The following DAB1 variants were observed in gnomAD, a reference collection of about 807,000 sequenced individuals.
DAB1 encodes DAB adaptor protein 1.
In DAB1, 15 loss-of-function variants were observed where a neutral mutation model predicts 64.6. The ratio of observed to expected loss-of-function variants is 0.23; its 90% CI spans 0.16 to 0.36. The LOEUF (loss-of-function observed/expected upper bound fraction) is 0.36. Ranked by LOEUF, DAB1 falls within the 10% of genes least tolerant of loss-of-function variation. The pLI is 1.00. For missense variants in DAB1, 596 were observed against 706.7 expected, an observed-to-expected ratio of 0.84 and a Z score of 1.78; for synonymous variants, 235 against 251.9, an observed-to-expected ratio of 0.93 and a Z score of 0.64.
intron 2 of DAB1, among the ~76,000 whole-genome samples, chr1:57,208,797 G>A (rs7523795): frequency 3.2e-4 from 48 of 152,144 alleles, no homozygotes; most frequent in African/African-American, 1.1e-3. Flanking sequence ...GCCTAGAAAA[G>A]TTAAGAGCTA....
chr1:58,066,399 T>C (rs1272552056), intron 5 of DAB1, among the ~76,000 whole-genome samples: 1 of 152,216 alleles, frequency 6.6e-6, no homozygotes, highest in Admixed American at 6.5e-5. Flanking sequence ...TTTTTTATGT[T>C]ATAATAATCC....
At position 58,268,365 on chromosome 1, in the gene DAB1, G is replaced by A. The variant is rs573727131; in HGVS notation, n.309+74987C>T. On this transcript the variant is annotated intron_variant and non_coding_transcript_variant, in intron 4 of 20. Coordinates refer to the DAB1 transcript ENST00000485760. ...GACCTTCATAATTGTTAAATTATAGGTCATATATAATTATTAAAAACTGAG... is the reference window on the plus strand; with the variant it reads ...GACCTTCATAATTGTTAAATTATAGATCATATATAATTATTAAAAACTGAG... Among the ~76,000 whole-genome samples, 321 of 152,086 alleles carry A rather than the reference G, an allele frequency of 2.1e-3. 1 individual carries two copies. Among genetic ancestry groups the A allele is most frequent in the African/African-American group, 7.2e-3 (297 of 41,496 alleles).
chr1:57,242,232 G>C (rs142315254), intron 2 of DAB1, among the ~76,000 whole-genome samples: 257 of 152,282 alleles, frequency 1.7e-3, no homozygotes, highest in African/African-American at 5.9e-3. Flanking sequence ...CTTTTTCTAA[G>C]AGTTGAAAAC....
chr1:58,375,892 C>A (rs1303110976), intron 3 of DAB1, among the ~76,000 whole-genome samples: 10 of 144,384 alleles, frequency 6.9e-5, no homozygotes. Context: ...GATTCAACTT[C>A]TTCCTGGTTT....
chr1:57,762,338 T>A (rs1649124920), intron 6 of DAB1, among the ~76,000 whole-genome samples: 1 of 152,054 alleles, frequency 6.6e-6, no homozygotes, highest in South Asian at 2.1e-4. Flanking sequence ...GAAAAGGGTA[T>A]AAAACTTTAG....
intron 3 of DAB1, among the ~76,000 whole-genome samples, chr1:58,422,757 T>A (rs1266674251): frequency 4.0e-5 from 6 of 151,510 alleles, no homozygotes; most frequent in Non-Finnish European, 8.8e-5. Context: ...ACAACCACCA[T>A]CTCAACACCC....
chr1:58,089,041 G>A (rs1224408240), intron 5 of DAB1, among the ~76,000 whole-genome samples: 2 of 152,220 alleles, frequency 1.3e-5, no homozygotes, highest in Non-Finnish European at 2.9e-5. Flanking sequence ...GCAAAATAGG[G>A]CATGGGCCCT....
intron 1 of DAB1, among the ~76,000 whole-genome samples, chr1:57,372,167 T>G (rs1008205263): frequency 6.6e-6 from 1 of 152,228 alleles, no homozygotes; most frequent in Non-Finnish European, 1.5e-5. Flanking sequence ...AATGCATTAA[T>G]GTCTCCCTTA....
chr1:57,798,551 T>C (rs1168107369), intron 6 of DAB1, among the ~76,000 whole-genome samples: 1 of 152,230 alleles, frequency 6.6e-6, no homozygotes, highest in Non-Finnish European at 1.5e-5. Flanking sequence ...TTAAAGGAAG[T>C]TGGCCATTTC....
At chr1:57,604,264 A>T (rs531800023) in intron 7 of DAB1, among the ~76,000 whole-genome samples, 1 of 152,302 alleles carries the variant, frequency 6.6e-6, no homozygotes, top group Non-Finnish European at 1.5e-5. Flanking sequence ...GAGCTTCAAC[A>T]TCCTCATTTG....
intron 5 of DAB1, among the ~76,000 whole-genome samples, chr1:57,899,171 G>A (rs1037178741): frequency 1.3e-5 from 2 of 152,112 alleles, no homozygotes; most frequent in African/African-American, 4.8e-5. Context: ...GCAGTTTCTT[G>A]CAAACGTGTG....
intron 2 of DAB1, among the ~76,000 whole-genome samples, chr1:58,516,264 T>C (rs1477676934): frequency 6.6e-6 from 1 of 152,234 alleles, no homozygotes; most frequent in African/African-American, 2.4e-5. Context: ...CAGTTTTCTT[T>C]TCCAAACTTA....
chr1:57,409,003 C>T lies in DAB1; in HGVS notation c.-137+14927G>A, dbSNP rs1037777367. ...TCTCCCTTTTTCTCTTTCTGCTTCA[C>T]GGTAGCACCCCTAGACGTGGTGGAG... is the stretch of plus-strand genomic sequence containing the variant. On this transcript the variant is annotated intron_variant, in intron 1 of 14. Coordinates refer to ENST00000371236, the MANE Select transcript of DAB1 (RefSeq NM_001365792.1). 1.8e-4 allele frequency among the ~76,000 whole-genome samples: 27 copies of T among 152,138 alleles called. 1 individual carries two copies. Among genetic ancestry groups the T allele is most frequent in the East Asian group, 9.6e-4 (5 of 5,182 alleles).
intron 7 of DAB1, among the ~76,000 whole-genome samples, chr1:57,537,638 T>C (rs1644746154): frequency 6.6e-6 from 1 of 152,210 alleles, no homozygotes; most frequent in Non-Finnish European, 1.5e-5. Context: ...CCAGTGCTTA[T>C]CATATGCATT....
intron 5 of DAB1, among the ~76,000 whole-genome samples, chr1:58,051,665 C>A (rs1647678638): frequency 6.6e-6 from 1 of 152,194 alleles, no homozygotes; most frequent in Non-Finnish European, 1.5e-5. Flanking sequence ...CTCCCATGAA[C>A]AGTGTAAAAG....
At chr1:57,920,514 T>A (rs970971170) in intron 5 of DAB1, among the ~76,000 whole-genome samples, 6 of 152,042 alleles carry the variant, frequency 3.9e-5, no homozygotes, top group African/African-American at 1.4e-4. Context: ...AACAGGGTCT[T>A]GCCATGTTGC....
At chr1:57,614,901 C>T (rs1220306432) in intron 7 of DAB1, among the ~76,000 whole-genome samples, 4 of 128,300 alleles carry the variant, frequency 3.1e-5, no homozygotes, top group South Asian at 2.5e-4. Flanking sequence ...GATGGAGTCT[C>T]GCTCTGTCGC....
chr1:58,136,548 G>A (rs114180647), intron 5 of DAB1, among the ~76,000 whole-genome samples: 2,159 of 152,302 alleles, frequency 0.014, 24 homozygotes, highest in Middle Eastern at 0.037. Flanking sequence ...TGCAAAAGCC[G>A]TTTCCAAAGC....
chr1:57,106,174 C>T lies in DAB1; in HGVS notation c.306+30369G>A, dbSNP rs927830497. 7.2e-5 allele frequency among the ~76,000 whole-genome samples: 11 copies of T among 152,146 alleles called. No individual in the cohort carries two copies. The East Asian group carries it at 1.4e-3, about 19-fold the overall frequency. ...GGGTTAACCTTTTCTGAAACAGAAA[C>T]GAGATCTTAAATGGCACATAGAGCT... On this transcript the variant is annotated intron_variant, in intron 4 of 14. Transcript: ENST00000371236.
Sources: allele counts gnomAD v4.1 joint callset (sites outside exome capture counted in the v4.1 genomes callset), GRCh38; gene constraint gnomAD v4.1.1; transcripts MANE v1.5; gene names NCBI Gene and HGNC (gene_info 2026-07-23, HGNC 2026-07-21).